RORA: variants seen among roughly 807,000 people sequenced by gnomAD.
RORA encodes nuclear receptor ROR-alpha.
A neutral mutation model predicts 69.5 loss-of-function variants in RORA; 7 were observed. The observed-to-expected ratio is 0.10, with a 90% CI of 0.06 to 0.19. The LOEUF (loss-of-function observed/expected upper bound fraction) is 0.19, where lower values mean the gene tolerates loss of function less well. Among genes scored for constraint, RORA ranks in the 10% least tolerant of loss-of-function variants. The probability of loss-of-function intolerance (pLI) is 1.00; values close to 1 mark genes in which losing one functional copy is unlikely to be tolerated. For synonymous variants in RORA, 261 were observed against 240.8 expected (o/e 1.08, Z -0.78); for missense variants, 457 against 663.0 (o/e 0.69, Z 3.41).
chr15:60,944,985 T>C (rs1892826166), intron 1 of RORA, among the ~76,000 whole-genome samples: 1 of 152,054 alleles, frequency 6.6e-6, no homozygotes, highest in African/African-American at 2.4e-5. Context: ...AGATGCCCGA[T>C]AGGAGCAAAA....
intron 2 of RORA, among the ~76,000 whole-genome samples, chr15:60,595,625 C>A (rs1189778715): frequency 6.6e-6 from 1 of 150,952 alleles, no homozygotes; most frequent in South Asian, 2.1e-4. Flanking sequence ...TGAGTACCGA[C>A]TGAGGGAGAA....
intron 1 of RORA, chr15:61,038,706 G>A (rs1896587529): frequency 6.6e-6 from 1 of 152,246 alleles, no homozygotes; most frequent in Non-Finnish European, 1.5e-5. Context: ...ATACACTGTG[G>A]TAGCGGAAGA....
chr15:61,002,975 C>CAAAA lies in RORA; in HGVS notation c.166+226074_166+226077dup, dbSNP rs59966691. Among the ~76,000 whole-genome samples, 103 of 116,974 alleles carry CAAAA rather than the reference C, an allele frequency of 8.8e-4. 1 individual carries two copies. The highest frequency in any genetic ancestry group is 2.6e-3 in the African/African-American group (82 of 31,446). 76.7% of individuals were successfully genotyped at this position (116,974 alleles called of 152,430 possible). A position where few individuals can be genotyped will look rare whatever the true frequency, so the allele number is the denominator to read the frequency against. On this transcript the variant is annotated intron_variant, in intron 1 of 10. Coordinates refer to ENST00000335670, the MANE Select transcript of RORA (RefSeq NM_134261.3). ...TGAAACCCCGTCTCTACTAAAAATA[C>CAAAA]AAAAAAAAAAAAAAAAAAATTAGCC...
intron 1 of RORA, among the ~76,000 whole-genome samples, chr15:60,947,035 C>T (rs879774594): frequency 2.3e-5 from 2 of 88,366 alleles, no homozygotes; most frequent in Admixed American, 1.2e-4. Context: ...AGCCCCCGCC[C>T]GGCCAGCCGC....
Position 60,574,162 on chromosome 15 carries a change from G to GC in RORA, c.197-42312dup, listed in dbSNP as rs770473145. On this transcript the variant is annotated intron_variant, in intron 2 of 10. Coordinates refer to ENST00000335670, the MANE Select transcript of RORA (RefSeq NM_134261.3). Reference sequence around the variant, plus strand: ...CAGCCCTGCGAGTCTGGCAGACTCAGCCCCCAATTGGAGCTATGTGCTAGC... The same window carrying GC: ...CAGCCCTGCGAGTCTGGCAGACTCAGCCCCCCAATTGGAGCTATGTGCTAGC... Among the ~76,000 whole-genome samples the GC allele has an allele frequency of 1.5e-3, 229 of 152,294 alleles. 2 individuals carry two copies. The highest frequency in any genetic ancestry group is 2.9e-3 in the Non-Finnish European group (195 of 68,028).
At chr15:61,187,763 G>A (rs537135105) in intron 1 of RORA, among the ~76,000 whole-genome samples, 208 of 152,292 alleles carry the variant, frequency 1.4e-3, no homozygotes, top group Non-Finnish European at 2.0e-3. Flanking sequence ...AGCCCGCACT[G>A]TTGGCAAGAG....
intron 1 of RORA, among the ~76,000 whole-genome samples, chr15:60,907,361 C>T (rs1478126331): frequency 6.6e-6 from 1 of 152,122 alleles, no homozygotes; most frequent in East Asian, 1.9e-4. Flanking sequence ...TTTCAAAAGT[C>T]AGTGGAAAGA....
chr15:60,793,894 C>T (rs78603476), intron 1 of RORA, among the ~76,000 whole-genome samples: 2,814 of 152,274 alleles, frequency 0.018, 96 homozygotes, highest in African/African-American at 0.065. Context: ...CTTTCTCTCC[C>T]GCCTCAGTGC....
chr15:60,577,053 AC>A (rs548244057), intron 2 of RORA, among the ~76,000 whole-genome samples: 40 of 152,236 alleles, frequency 2.6e-4, no homozygotes, highest in Non-Finnish European at 4.7e-4. Context: ...AATAAAAAAA[AC>A]AAAAACAAAA....
At chr15:60,951,590 A>G (rs1207744614) in intron 1 of RORA, among the ~76,000 whole-genome samples, 1 of 150,688 alleles carries the variant, frequency 6.6e-6, no homozygotes, top group Admixed American at 6.6e-5. Context: ...AGACACAATA[A>G]AAAATGATAA....
At chr15:60,966,916 G>A (rs1361974811) in intron 1 of RORA, among the ~76,000 whole-genome samples, 2 of 152,186 alleles carry the variant, frequency 1.3e-5, no homozygotes, top group Non-Finnish European at 2.9e-5. Flanking sequence ...CAACTGCCAT[G>A]ATGTTTCTGC....
At chr15:61,009,396 C>T (rs1436227557) in intron 1 of RORA, among the ~76,000 whole-genome samples, 1 of 152,166 alleles carries the variant, frequency 6.6e-6, no homozygotes, top group Admixed American at 6.5e-5. Context: ...GGGCATAGTC[C>T]TATGCTTAAA....
chr15:60,600,812 A>C (rs1035349919), intron 2 of RORA, among the ~76,000 whole-genome samples: 1 of 152,134 alleles, frequency 6.6e-6, no homozygotes, highest in African/African-American at 2.4e-5. Flanking sequence ...TGGGTTTCCA[A>C]TCATTATATA....
At chr15:60,675,832 C>T (rs1269992968) in intron 2 of RORA, among the ~76,000 whole-genome samples, 1 of 152,152 alleles carries the variant, frequency 6.6e-6, no homozygotes, top group Non-Finnish European at 1.5e-5. Context: ...TGAGCTGACA[C>T]TCTGGTCTGA....
At chr15:60,867,851 T>G (rs2073507833) in intron 1 of RORA, among the ~76,000 whole-genome samples, 1 of 152,140 alleles carries the variant, frequency 6.6e-6, no homozygotes, top group Non-Finnish European at 1.5e-5. Flanking sequence ...TTATTTTGGT[T>G]GCCAGGAAGT....
chr15:61,120,385 G>A (rs1220615237), intron 1 of RORA, among the ~76,000 whole-genome samples: 2 of 151,682 alleles, frequency 1.3e-5, no homozygotes, highest in East Asian at 3.9e-4. Context: ...GAAGACCATT[G>A]TTCCAAAGGA....
At position 60,629,970 on chromosome 15, in the gene RORA, C is replaced by A. The variant is rs565869703; in HGVS notation, c.196+48687G>T. ...TAACTTCCATGGTGTTGTCACAAGC[C>A]CAAGAAGAAAAAGGGAACTCTGGTG... On this transcript the variant is annotated intron_variant, in intron 2 of 10. Transcript: ENST00000335670. Among the ~76,000 whole-genome samples the A allele has an allele frequency of 4.6e-5, 7 of 152,152 alleles. No individual in the cohort carries two copies. In the East Asian group the frequency reaches 1.4e-3, roughly 29 times the overall value.
chr15:60,702,387 A>G (rs2070996566), intron 1 of RORA, among the ~76,000 whole-genome samples: 2 of 151,888 alleles, frequency 1.3e-5, no homozygotes, highest in Admixed American at 1.3e-4. Context: ...ACGAGCCACC[A>G]TGCCTGGCTA....
At chr15:60,987,067 C>T (rs1052686683) in intron 1 of RORA, among the ~76,000 whole-genome samples, 4 of 152,322 alleles carry the variant, frequency 2.6e-5, no homozygotes, top group African/African-American at 9.6e-5. Context: ...ACTTGCCTCT[C>T]CATGGAAAGA....
Sources: allele counts gnomAD v4.1 joint callset (sites outside exome capture counted in the v4.1 genomes callset), GRCh38; gene constraint gnomAD v4.1.1; transcripts MANE v1.5; gene names NCBI Gene and HGNC (gene_info 2026-07-23, HGNC 2026-07-21).